Variants in GRM3 observed in about 807,000 individuals in gnomAD.
GRM3 encodes metabotropic glutamate receptor 3.
GRM3 carries 26 observed loss-of-function variants against 70.5 expected under a neutral mutation model. That is an observed-to-expected ratio of 0.37 (90% CI 0.27 to 0.51). The LOEUF is 0.51. Ranked by LOEUF, GRM3 falls within the 20% of genes least tolerant of loss-of-function variation. GRM3 has a pLI of 0.93. For synonymous variants in GRM3, 443 were observed against 434.9 expected (o/e 1.02, Z -0.23); for missense variants, 859 against 1,123.8 (o/e 0.76, Z 3.37).
At chr7:86,677,769 A>G (rs1584158081) in intron 1 of GRM3, among the ~76,000 whole-genome samples, 1 of 152,148 alleles carries the variant, frequency 6.6e-6, no homozygotes, top group East Asian at 1.9e-4. Flanking sequence ...GGAGACTTTA[A>G]GATGGGAGAA....
At chr7:86,864,189 C>A in intron 5 of GRM3, 93 bp from the exon 6 acceptor site, 1 of 740,832 alleles carries the variant, frequency 1.3e-6, no homozygotes, top group Admixed American at 1.8e-5. Flanking sequence ...CACCCTTCCC[C>A]CCGAGTCCCC....
At chr7:86,695,762 A>T (rs1386551397) in intron 1 of GRM3, among the ~76,000 whole-genome samples, 1 of 152,200 alleles carries the variant, frequency 6.6e-6, no homozygotes, top group Non-Finnish European at 1.5e-5. Context: ...AACACTTACT[A>T]GGAGTTTTTA....
intron 3 of GRM3, among the ~76,000 whole-genome samples, chr7:86,819,251 G>C (rs552315845): frequency 6.6e-6 from 1 of 152,030 alleles, no homozygotes; most frequent in Non-Finnish European, 1.5e-5. Flanking sequence ...TAAATCTATG[G>C]AAAGCAATAG....
chr7:86,687,870 T>C (rs1319763788), intron 1 of GRM3, among the ~76,000 whole-genome samples: 2 of 151,790 alleles, frequency 1.3e-5, no homozygotes, highest in Non-Finnish European at 1.5e-5. Context: ...TAATTAATAA[T>C]GTAACACTGA....
In GRM3 at chr7:86,850,390, C is replaced by T. The variant is rs749123678; in HGVS notation, c.2412C>T (p.Cys804=). The change falls in exon 5 of 6, where the codon TGC becomes TGT. Residue 804 remains cysteine (C), a synonymous_variant. Transcript: ENST00000361669. ...TGTAGGTGCAGACGACAACCATGTGCATCTCTGTCAGCCTGAGTGGCTTTG... is the reference window on the plus strand; with the variant it reads ...TGTAGGTGCAGACGACAACCATGTGTATCTCTGTCAGCCTGAGTGGCTTTG... The part of the protein sequence containing the change: ...SDYRVQTTTM[C]ISVSLSGFVV... 6.2e-7 allele frequency: 1 copy of T among 1,612,768 alleles called. No homozygotes were observed. The highest frequency in any genetic ancestry group is 8.5e-7 in the Non-Finnish European group (1 of 1,179,100).
chr7:86,723,735 G>A (rs1795528130), intron 1 of GRM3, among the ~76,000 whole-genome samples: 2 of 152,114 alleles, frequency 1.3e-5, no homozygotes, highest in Admixed American at 1.3e-4. Context: ...ATTTAATTAA[G>A]CAAAGAGAAC....
At chr7:86,664,986 GAGA>G (rs1793989616) in intron 1 of GRM3, among the ~76,000 whole-genome samples, 1 of 151,928 alleles carries the variant, frequency 6.6e-6, no homozygotes, top group Admixed American at 6.6e-5. Context: ...TCTCAATTCT[GAGA>G]AGGATAGCTA....
At chr7:86,767,635 C>T (rs1247957495) in intron 2 of GRM3, among the ~76,000 whole-genome samples, 1 of 147,654 alleles carries the variant, frequency 6.8e-6, no homozygotes, top group Non-Finnish European at 1.5e-5. Flanking sequence ...CAGATGAATG[C>T]CAGTCATTTC....
Position 86,726,890 on chromosome 7 carries a change from C to G in GRM3, c.-140-38116C>G, listed in dbSNP as rs1309518550. ...CTATCTGTCAGGAGAGGTCTCAGTACTGGCAATAAGGAACAAGTTTGAAAT... is the reference window on the plus strand; with the variant it reads ...CTATCTGTCAGGAGAGGTCTCAGTAGTGGCAATAAGGAACAAGTTTGAAAT... On this transcript the variant is annotated intron_variant, in intron 1 of 5. Transcript: ENST00000361669. Among the ~76,000 whole-genome samples, 4 of 152,298 alleles carry G rather than the reference C, an allele frequency of 2.6e-5. No homozygotes were observed. In the East Asian group the frequency reaches 5.8e-4, roughly 22 times the overall value.
chr7:86,833,079 A>G (rs907168305), intron 3 of GRM3: 1 of 979,526 alleles, frequency 1.0e-6, no homozygotes, highest in Non-Finnish European at 1.2e-6. Context: ...GTATTTTTCC[A>G]TTTCTGATGA....
intron 1 of GRM3, among the ~76,000 whole-genome samples, chr7:86,717,421 T>C (rs1795343612): frequency 6.6e-6 from 1 of 152,000 alleles, no homozygotes; most frequent in African/African-American, 2.4e-5. Flanking sequence ...CAGAGCAGAA[T>C]GATAATCAGC....
At chr7:86,645,735 A>G (rs1793444839) in intron 1 of GRM3, among the ~76,000 whole-genome samples, 1 of 152,084 alleles carries the variant, frequency 6.6e-6, no homozygotes, top group Non-Finnish European at 1.5e-5. Flanking sequence ...TTGAAAAACA[A>G]AACTATACAC....
intron 1 of GRM3, among the ~76,000 whole-genome samples, chr7:86,687,486 AAAT>A (rs1484218426): frequency 7.5e-6 from 1 of 133,380 alleles, no homozygotes; most frequent in Admixed American, 8.7e-5. Context: ...TGAAAGAAAA[AAAT>A]AATATTATCA....
intron 1 of GRM3, among the ~76,000 whole-genome samples, chr7:86,693,052 C>G (rs1214782427): frequency 6.6e-6 from 1 of 151,976 alleles, no homozygotes; most frequent in Non-Finnish European, 1.5e-5. Context: ...TTTTTGTCAT[C>G]AAAAAGGATT....
At chr7:86,774,281 C>A (rs1455757637) in intron 2 of GRM3, among the ~76,000 whole-genome samples, 3 of 152,032 alleles carry the variant, frequency 2.0e-5, no homozygotes, top group African/African-American at 7.2e-5. Flanking sequence ...TTCTACTGAT[C>A]TATGGAAAAT....
At chr7:86,816,103 A>G (rs1798009445) in intron 3 of GRM3, among the ~76,000 whole-genome samples, 1 of 151,930 alleles carries the variant, frequency 6.6e-6, no homozygotes, top group African/African-American at 2.4e-5. Context: ...ACATTGTTTC[A>G]TGGAGAAGGT....
chr7:86,689,493 T>C (rs1224486606), intron 1 of GRM3, among the ~76,000 whole-genome samples: 1 of 152,130 alleles, frequency 6.6e-6, no homozygotes, highest in African/African-American at 2.4e-5. Context: ...TGTCTCTTTA[T>C]TCTCAAGAAA....
At chr7:86,677,860 G>A (rs960894024) in intron 1 of GRM3, among the ~76,000 whole-genome samples, 6 of 151,784 alleles carry the variant, frequency 4.0e-5, no homozygotes, top group Non-Finnish European at 5.9e-5. Flanking sequence ...ATAAATTATC[G>A]GAGCTGGTTA....
rs929891242 is a variant in GRM3, at chr7:86,794,072, A to AT, written c.1324+6965dup. On this transcript the variant is annotated intron_variant, in intron 3 of 5. Coordinates refer to ENST00000361669, the MANE Select transcript of GRM3 (RefSeq NM_000840.3). ...GAGATTGGAAAAAAATATTCTAAGTATTTTTTTTTAAATGTAACTAAAATC... is the reference window on the plus strand; with the variant it reads ...GAGATTGGAAAAAAATATTCTAAGTATTTTTTTTTTAAATGTAACTAAAATC... Among the ~76,000 whole-genome samples, 92 of 151,234 alleles carry AT rather than the reference A, an allele frequency of 6.1e-4. 1 individual carries two copies. Among genetic ancestry groups the AT allele is most frequent in the Non-Finnish European group, 3.0e-4 (20 of 67,758 alleles).
Sources: gnomAD v4.1 joint callset for allele counts (sites outside exome capture counted in the v4.1 genomes callset) on GRCh38, gnomAD v4.1.1 for gene constraint, MANE v1.5 for transcripts, NCBI Gene and HGNC (gene_info 2026-07-23, HGNC 2026-07-21) for gene names.